MCU: variants seen among roughly 807,000 people sequenced by gnomAD.
MCU encodes mitochondrial calcium uniporter, also known as calcium uniporter protein, mitochondrial.
In MCU, 12 loss-of-function variants were observed where a neutral mutation model predicts 45.2. The ratio of observed to expected loss-of-function variants is 0.27; its 90% CI spans 0.17 to 0.43. The LOEUF (loss-of-function observed/expected upper bound fraction) is 0.43, where lower values mean the gene tolerates loss of function less well. Among genes scored for constraint, MCU ranks in the 20% least tolerant of loss-of-function variants. MCU has a pLI of 1.00. For synonymous variants in MCU, 160 were observed against 165.1 expected (o/e 0.97, Z 0.24); for missense variants, 324 against 436.7 (o/e 0.74, Z 2.30).
intron 1 of MCU, among the ~76,000 whole-genome samples, chr10:72,747,894 G>T (rs978540183): frequency 6.6e-6 from 1 of 151,772 alleles, no homozygotes; most frequent in African/African-American, 2.4e-5. Flanking sequence ...AAATATTTTA[G>T]TAGCCGTATT....
chr10:72,752,233 A>G (rs1589444778), intron 1 of MCU, among the ~76,000 whole-genome samples: 1 of 151,688 alleles, frequency 6.6e-6, no homozygotes, highest in East Asian at 1.9e-4. Context: ...CAGTCTGCTG[A>G]GGACATAAGT....
intron 1 of MCU, among the ~76,000 whole-genome samples, chr10:72,792,557 T>C (rs1461048660): frequency 2.0e-5 from 3 of 152,100 alleles, no homozygotes; most frequent in Admixed American, 2.0e-4. Context: ...TCCCAGGGAA[T>C]CCTAGGTCAT....
intron 1 of MCU, among the ~76,000 whole-genome samples, chr10:72,771,557 T>C (rs540642531): frequency 3.3e-5 from 5 of 152,228 alleles, no homozygotes; most frequent in Non-Finnish European, 7.3e-5. Flanking sequence ...ATTTTTAAAG[T>C]CCACTTTGCT....
chr10:72,865,713 A>G (rs1299403971), intron 4 of MCU, among the ~76,000 whole-genome samples: 1 of 140,368 alleles, frequency 7.1e-6, no homozygotes. Flanking sequence ...CAAATTTTTT[A>G]TTTTTTGTAG....
chr10:72,696,529 A>G (rs1417010088), intron 1 of MCU, among the ~76,000 whole-genome samples: 2 of 151,978 alleles, frequency 1.3e-5, no homozygotes, highest in African/African-American at 4.8e-5. Flanking sequence ...ACCCTTTTCT[A>G]TTGTTGTCTT....
intron 1 of MCU, chr10:72,730,990 G>A (rs1201289683): frequency 1.3e-5 from 2 of 152,236 alleles, no homozygotes; most frequent in Non-Finnish European, 2.9e-5. Flanking sequence ...GTTTTGCCAT[G>A]TTGTCCAGGC....
intron 1 of MCU, among the ~76,000 whole-genome samples, chr10:72,742,579 G>A (rs1454009674): frequency 6.6e-6 from 1 of 152,122 alleles, no homozygotes; most frequent in Non-Finnish European, 1.5e-5. Context: ...TATTTACTGG[G>A]GAGAGTGATT....
chr10:72,696,399 G>A (rs781411438), intron 1 of MCU, among the ~76,000 whole-genome samples: 9 of 151,910 alleles, frequency 5.9e-5, no homozygotes, highest in Non-Finnish European at 1.0e-4. Context: ...AATTCCTAGC[G>A]TGAAGATGAT....
chr10:72,712,618 C>T (rs921093034), intron 1 of MCU, among the ~76,000 whole-genome samples: 1 of 151,946 alleles, frequency 6.6e-6, no homozygotes, highest in Non-Finnish European at 1.5e-5. Context: ...TGAATTGTGT[C>T]GTGGTTTTAT....
chr10:72,773,482 T>C lies in MCU; in HGVS notation c.151-60877T>C, dbSNP rs149049179. 9.2e-4 allele frequency among the ~76,000 whole-genome samples: 140 copies of C among 152,200 alleles called. 2 individuals are homozygous for C. The highest frequency in any genetic ancestry group is 2.8e-3 in the African/African-American group (115 of 41,524). On this transcript the variant is annotated intron_variant, in intron 1 of 7. Transcript: ENST00000373053. ...AAAGGAACAAAGACTGTATATAAGA[T>C]ATAGAAAATTACCTCAAAAGGCAAA... is the stretch of plus-strand genomic sequence containing the variant.
chr10:72,843,313 C>T (rs1339778013), intron 2 of MCU, among the ~76,000 whole-genome samples: 1 of 152,202 alleles, frequency 6.6e-6, no homozygotes, highest in Non-Finnish European at 1.5e-5. Context: ...ATTCATGTCT[C>T]CCTTCTCCCT....
At chr10:72,785,588 G>C (rs1844060157) in intron 1 of MCU, among the ~76,000 whole-genome samples, 1 of 152,084 alleles carries the variant, frequency 6.6e-6, no homozygotes, top group Admixed American at 6.5e-5. Context: ...TTTGTGTGTT[G>C]GCTCATAGTC....
intron 1 of MCU, among the ~76,000 whole-genome samples, chr10:72,778,038 G>T (rs1253146702): frequency 1.3e-5 from 2 of 152,132 alleles, no homozygotes; most frequent in African/African-American, 4.8e-5. Context: ...ATATTGATGA[G>T]TATGTCTAGA....
chr10:72,734,894 G>A (rs1843230864), intron 1 of MCU, among the ~76,000 whole-genome samples: 1 of 151,884 alleles, frequency 6.6e-6, no homozygotes, highest in South Asian at 2.1e-4. Flanking sequence ...TGGCATTACA[G>A]GTGTGACCCC....
chr10:72,830,306 C>T (rs1844860844), intron 1 of MCU, among the ~76,000 whole-genome samples: 1 of 152,192 alleles, frequency 6.6e-6, no homozygotes, highest in Admixed American at 6.5e-5. Context: ...TCATAACCAG[C>T]CATGTATTAA....
chr10:72,806,554 C>G (rs1461052879), intron 1 of MCU, among the ~76,000 whole-genome samples: 1 of 152,178 alleles, frequency 6.6e-6, no homozygotes, highest in Non-Finnish European at 1.5e-5. Context: ...TCTTATGTGA[C>G]AGGAACTTCT....
At chr10:72,715,528 A>G (rs999103905) in intron 1 of MCU, among the ~76,000 whole-genome samples, 39 of 152,094 alleles carry the variant, frequency 2.6e-4, no homozygotes, top group African/African-American at 9.2e-4. Flanking sequence ...TCACACAGTT[A>G]CTCTGGTCTC....
At chr10:72,751,587 C>T (rs1000950427) in intron 1 of MCU, among the ~76,000 whole-genome samples, 13 of 151,344 alleles carry the variant, frequency 8.6e-5, no homozygotes, top group African/African-American at 3.2e-4. Context: ...AACTCCTGGC[C>T]TCAAGTGATC....
chr10:72,860,247 A>G, intron 3 of MCU, 176 bp from the exon 4 acceptor site: 2 of 576,374 alleles, frequency 3.5e-6, no homozygotes, highest in Non-Finnish European at 6.2e-6. Context: ...CACAAACTTG[A>G]GTCCTAAAAA....
Sources: allele counts gnomAD v4.1 joint callset (sites outside exome capture counted in the v4.1 genomes callset), GRCh38; gene constraint gnomAD v4.1.1; transcripts MANE v1.5; gene names NCBI Gene and HGNC (gene_info 2026-07-23, HGNC 2026-07-21).